Variants in JADE3 observed in about 807,000 individuals in gnomAD.
The protein encoded by JADE3 is jade family PHD finger 3.
Under a neutral mutation model 50.1 loss-of-function variants are expected in JADE3, and 2 were observed. The ratio of observed to expected loss-of-function variants is 0.04; its 90% confidence interval spans 0.02 to 0.13. The LOEUF is 0.13. Among genes scored for constraint, JADE3 ranks in the 10% least tolerant of loss-of-function variants. JADE3 has a pLI of 1.00. For synonymous variants in JADE3, 218 were observed against 232.9 expected (o/e 0.94, Z 0.58); for missense variants, 475 against 634.4 (o/e 0.75, Z 2.70).
intron 4 of JADE3, among the ~76,000 whole-genome samples, chrX:47,022,955 T>A (rs1359852762): frequency 9.0e-6 from 1 of 111,418 alleles, no homozygotes; most frequent in Non-Finnish European, 1.9e-5. Flanking sequence ...CTCCATGGCC[T>A]CTTGGCTTTA....
intron 4 of JADE3, among the ~76,000 whole-genome samples, chrX:47,009,237 G>A (rs1281195036): frequency 5.4e-5 from 6 of 111,084 alleles, no homozygotes; most frequent in African/African-American, 9.8e-5. Flanking sequence ...TGGAAGGATC[G>A]CTTGAGCCTA....
chrX:46,995,119 T>C (rs781941351), intron 3 of JADE3, among the ~76,000 whole-genome samples: 2 of 106,407 alleles, frequency 1.9e-5, no homozygotes, highest in South Asian at 8.8e-4. Context: ...AAGCTCCGCC[T>C]CCTGGGTTCA....
At chrX:46,970,039 A>G (rs1001866379) in intron 1 of JADE3, among the ~76,000 whole-genome samples, 1 of 112,122 alleles carries the variant, frequency 8.9e-6, no homozygotes, top group Non-Finnish European at 1.9e-5. Flanking sequence ...AAACAGAAAA[A>G]CAGAAAAAGC....
chrX:46,960,794 C>T (rs918665718), intron 1 of JADE3, among the ~76,000 whole-genome samples: 12 of 111,681 alleles, frequency 1.1e-4, no homozygotes, highest in Admixed American at 9.5e-4. Context: ...ACACAGCACC[C>T]TTGCAAAAAC....
At chrX:47,027,360 A>G (rs1327373651) in intron 5 of JADE3, among the ~76,000 whole-genome samples, 1 of 112,342 alleles carries the variant, frequency 8.9e-6, no homozygotes, top group Non-Finnish European at 1.9e-5. Context: ...AATATTTTAT[A>G]TGTGTAATCA....
chrX:46,973,743 T>A (rs1007764015), intron 1 of JADE3, among the ~76,000 whole-genome samples: 6 of 112,535 alleles, frequency 5.3e-5, no homozygotes, highest in African/African-American at 1.9e-4. Context: ...AAGCAGAGGA[T>A]AATCAGCTCA....
chrX:47,023,284 C>T (rs1316836410), intron 4 of JADE3, among the ~76,000 whole-genome samples: 1 of 111,546 alleles, frequency 9.0e-6, no homozygotes, highest in Non-Finnish European at 1.9e-5. Context: ...CACTGACAGG[C>T]AGCAGTGTGT....
At chrX:46,934,747 T>C in intron 1 of JADE3, among the ~76,000 whole-genome samples, 1 of 111,811 alleles carries the variant, frequency 8.9e-6, no homozygotes, top group Non-Finnish European at 1.9e-5. Context: ...CTTCTATGTT[T>C]ATAAGAAAAA....
chrX:47,056,889 G>T (rs782303958), intron 10 of JADE3, among the ~76,000 whole-genome samples: 2 of 112,083 alleles, frequency 1.8e-5, no homozygotes, highest in Non-Finnish European at 3.8e-5. Flanking sequence ...GCAACTAGGG[G>T]TCACTGGACA....
intron 1 of JADE3, among the ~76,000 whole-genome samples, chrX:46,964,771 T>C (rs1556348552): frequency 8.9e-6 from 1 of 112,693 alleles, no homozygotes; most frequent in Non-Finnish European, 1.9e-5. Context: ...CACTGAAATA[T>C]GAATTTCACA....
intron 1 of JADE3, among the ~76,000 whole-genome samples, chrX:46,960,780 C>T (rs1182564863): frequency 9.0e-6 from 1 of 111,559 alleles, no homozygotes; most frequent in African/African-American, 3.3e-5. Context: ...CTTGGGAACC[C>T]CTTACACAGC....
intron 1 of JADE3, among the ~76,000 whole-genome samples, chrX:46,958,923 GA>G (rs1465144725): frequency 1.1e-4 from 12 of 111,441 alleles, no homozygotes; most frequent in Admixed American, 9.6e-4. Flanking sequence ...TTTTCTCCCT[GA>G]ACAATAACCA....
At chrX:46,915,641 G>A (rs1012806535) in intron 1 of JADE3, among the ~76,000 whole-genome samples, 5 of 111,061 alleles carry the variant, frequency 4.5e-5, no homozygotes, top group Non-Finnish European at 9.4e-5. Flanking sequence ...CTGATTTCTG[G>A]AATCTTTATG....
intron 4 of JADE3, among the ~76,000 whole-genome samples, chrX:47,001,864 G>GT (rs782153346): frequency 9.0e-6 from 1 of 111,652 alleles, no homozygotes; most frequent in African/African-American, 3.2e-5. Flanking sequence ...TAGTCTTAAG[G>GT]TTTTTTGGCA....
intron 1 of JADE3, among the ~76,000 whole-genome samples, chrX:46,929,153 A>C (rs1926438194): frequency 9.0e-6 from 1 of 111,464 alleles, no homozygotes; most frequent in Admixed American, 9.6e-5. Context: ...AACAATGTTA[A>C]CACCAGGAAT....
rs188523775 is a variant in JADE3, at chrX:47,045,026, G to A, written c.972+5961G>A. 4.6e-3 allele frequency among the ~76,000 whole-genome samples: 512 copies of A among 111,295 alleles called. 2 individuals are homozygous for A. Among genetic ancestry groups the A allele is most frequent in the African/African-American group, 0.016 (490 of 30,708 alleles). On this transcript the variant is annotated intron_variant, in intron 8 of 10. Transcript: ENST00000614628. ...AGACAAGAACAAAAGAAGGAAGGAA[G>A]AAAAGACCACAAGACAACCAGAAAA... is the stretch of plus-strand genomic sequence containing the variant.
In JADE3 at chrX:47,037,879, ATTCT is replaced by A. The variant is rs375596694; in HGVS notation, c.856-1065_856-1062del. On this transcript the variant is annotated intron_variant, in intron 7 of 10. Coordinates refer to ENST00000614628, the MANE Select transcript of JADE3 (RefSeq NM_014735.5). The stretch of plus-strand genomic sequence containing the variant: ...TGCCATCAAATAGTAGGTCTTATTC[ATTCT>A]TTCTGACTATCCTTTTTGTACCCAT... Among the ~76,000 whole-genome samples the A allele has an allele frequency of 4.7e-3, 521 of 111,285 alleles. 2 individuals are homozygous for A. Among genetic ancestry groups the A allele is most frequent in the African/African-American group, 0.016 (500 of 30,612 alleles).
At chrX:46,995,258 T>C (rs1246142933) in intron 3 of JADE3, among the ~76,000 whole-genome samples, 3 of 111,083 alleles carry the variant, frequency 2.7e-5, no homozygotes, top group African/African-American at 9.8e-5. Flanking sequence ...CTCGATCTCC[T>C]GACCTCGTAA....
intron 3 of JADE3, among the ~76,000 whole-genome samples, chrX:46,995,275 C>T (rs1266201468): frequency 9.0e-6 from 1 of 111,020 alleles, no homozygotes; most frequent in Admixed American, 9.6e-5. Context: ...GTAATCCACC[C>T]GCCTTGGCCT....
Sources: allele counts gnomAD v4.1 joint callset (sites outside exome capture counted in the v4.1 genomes callset), GRCh38; gene constraint gnomAD v4.1.1; transcripts MANE v1.5; gene names NCBI Gene and HGNC (gene_info 2026-07-23, HGNC 2026-07-21).